Variants in MCPH1 observed in about 807,000 individuals in gnomAD.
MCPH1 encodes the protein microcephalin 1, also known as microcephalin.
In MCPH1, 104 loss-of-function variants were observed where a neutral mutation model predicts 84.5. That is an observed-to-expected ratio of 1.23 (90% CI 1.05 to 1.45). MCPH1 has a LOEUF of 1.45. Ranked by LOEUF, MCPH1 falls within the 40% of genes most tolerant of loss-of-function variation. The pLI, the probability that MCPH1 is intolerant of heterozygous loss-of-function variation, is 0.00. For missense variants in MCPH1, 1,498 were observed against 1,005.7 expected (o/e 1.49, Z -6.62); for synonymous variants, 514 against 366.8 (o/e 1.40, Z -4.58).
At chr8:6,554,139 A>G (rs1165460935) in intron 12 of MCPH1, among the ~76,000 whole-genome samples, 1 of 149,960 alleles carries the variant, frequency 6.7e-6, no homozygotes, top group African/African-American at 2.5e-5. Flanking sequence ...GATAAGACCC[A>G]TATTAGACTA....
intron 12 of MCPH1, among the ~76,000 whole-genome samples, chr8:6,545,272 T>A (rs2129574385): frequency 6.6e-6 from 1 of 152,352 alleles, no homozygotes; most frequent in Non-Finnish European, 1.5e-5. Flanking sequence ...GCTGGTTACA[T>A]GAGTGAATCC....
intron 12 of MCPH1, chr8:6,620,955 G>A (rs117924380): frequency 7.5e-5 from 14 of 186,024 alleles, no homozygotes; most frequent in African/African-American, 2.4e-4. Context: ...CCCTTTCCCC[G>A]TCCAGACCAT....
At chr8:6,409,642 G>C (rs1457826589) in intron 2 of MCPH1, among the ~76,000 whole-genome samples, 1 of 152,016 alleles carries the variant, frequency 6.6e-6, no homozygotes, top group Non-Finnish European at 1.5e-5. Context: ...ATTAAGCAAA[G>C]TGAGGAATAC....
intron 9 of MCPH1, among the ~76,000 whole-genome samples, chr8:6,463,265 G>C (rs1039601315): frequency 2.0e-5 from 3 of 152,220 alleles, no homozygotes; most frequent in Admixed American, 2.0e-4. Context: ...GCCCGCTTGG[G>C]GGATCTGCTT....
intron 11 of MCPH1, among the ~76,000 whole-genome samples, chr8:6,497,223 A>G (rs890314094): frequency 6.6e-6 from 1 of 152,030 alleles, no homozygotes; most frequent in African/African-American, 2.4e-5. Context: ...GCTCACACCT[A>G]TAATCCCAAC....
chr8:6,426,203 A>G (rs1801034865), intron 3 of MCPH1, among the ~76,000 whole-genome samples: 2 of 152,178 alleles, frequency 1.3e-5, no homozygotes, highest in Non-Finnish European at 2.9e-5. Context: ...GCTTTATAAA[A>G]ACATTTACAT....
intron 11 of MCPH1, among the ~76,000 whole-genome samples, chr8:6,483,133 A>G (rs1809439383): frequency 6.6e-6 from 1 of 152,226 alleles, no homozygotes; most frequent in Non-Finnish European, 1.5e-5. Context: ...TAAGTGCAGG[A>G]TCTGTGTGCT....
intron 3 of MCPH1, among the ~76,000 whole-genome samples, chr8:6,422,766 G>A (rs1800404593): frequency 6.6e-6 from 1 of 152,128 alleles, no homozygotes; most frequent in African/African-American, 2.4e-5. Flanking sequence ...TCGGCTTACT[G>A]CAACCTCCGC....
chr8:6,437,224 T>C (rs1019092110), intron 5 of MCPH1, among the ~76,000 whole-genome samples: 1 of 152,222 alleles, frequency 6.6e-6, no homozygotes, highest in East Asian at 1.9e-4. Flanking sequence ...AATAGAATTG[T>C]CGAGATTTAT....
intron 12 of MCPH1, chr8:6,527,597 A>G: frequency 6.2e-7 from 1 of 1,614,006 alleles, no homozygotes; most frequent in Non-Finnish European, 8.5e-7. Context: ...GGTCTGGTCC[A>G]AAATCTGTTT....
At chr8:6,510,366 G>C (rs952025682) in intron 12 of MCPH1, among the ~76,000 whole-genome samples, 1 of 152,166 alleles carries the variant, frequency 6.6e-6, no homozygotes, top group African/African-American at 2.4e-5. Flanking sequence ...ATGGTGGCAG[G>C]AGAAGTGTAC....
intron 2 of MCPH1, among the ~76,000 whole-genome samples, chr8:6,411,665 A>G (rs905154088): frequency 6.6e-6 from 1 of 152,212 alleles, no homozygotes; most frequent in Non-Finnish European, 1.5e-5. Context: ...CGTGATTTTT[A>G]TTATAATACA....
At chr8:6,406,724 G>C (rs769846752) in intron 1 of MCPH1, 35 bp downstream of exon 1, 4 of 1,610,026 alleles carry the variant, frequency 2.5e-6, no homozygotes, top group South Asian at 2.2e-5. Context: ...CCAGCAGCGG[G>C]AGTTTGAGGA....
At chr8:6,411,193 T>C (rs73514774) in intron 2 of MCPH1, among the ~76,000 whole-genome samples, 3,185 of 152,238 alleles carry the variant, frequency 0.021, 108 homozygotes, top group African/African-American at 0.073. Flanking sequence ...GTTGAAGAGT[T>C]GGTGGTTGCA....
chr8:6,422,776 C>A (rs1009681386), intron 3 of MCPH1, among the ~76,000 whole-genome samples: 1 of 152,014 alleles, frequency 6.6e-6, no homozygotes, highest in Non-Finnish European at 1.5e-5. Flanking sequence ...GCAACCTCCG[C>A]CTCCTGGGTT....
At chr8:6,436,838 C>T (rs1187851461) in intron 5 of MCPH1, among the ~76,000 whole-genome samples, 3 of 151,912 alleles carry the variant, frequency 2.0e-5, no homozygotes, top group African/African-American at 7.3e-5. Context: ...GGAGTGGTGG[C>T]AGGCGCCTGT....
intron 12 of MCPH1, among the ~76,000 whole-genome samples, chr8:6,564,537 C>T (rs1330056963): frequency 1.3e-5 from 2 of 152,018 alleles, no homozygotes. Context: ...TATGTTAACT[C>T]AGCAGCCCAA....
At chr8:6,422,244 C>T (rs550147157) in intron 3 of MCPH1, among the ~76,000 whole-genome samples, 15 of 152,174 alleles carry the variant, frequency 9.9e-5, no homozygotes, top group African/African-American at 3.4e-4. Flanking sequence ...ATAGTAGATG[C>T]TCAGTAAATA....
At chr8:6,596,262 T>G (rs1016891876) in intron 12 of MCPH1, among the ~76,000 whole-genome samples, 3 of 152,160 alleles carry the variant, frequency 2.0e-5, no homozygotes, top group African/African-American at 7.2e-5. Context: ...CCTTTGGGTT[T>G]GCGTTTGCTC....
Sources: allele counts gnomAD v4.1 joint callset (sites outside exome capture counted in the v4.1 genomes callset), GRCh38; gene constraint gnomAD v4.1.1; transcripts MANE v1.5; gene names NCBI Gene and HGNC (gene_info 2026-07-23, HGNC 2026-07-21).